The following DMRTC1B variants were observed in gnomAD, a reference collection of about 807,000 sequenced individuals.
DMRTC1B encodes DMRT like family C1B.
At chrX:72,815,548 A>C (rs1341504262) in intron 1 of DMRTC1B, among the ~76,000 whole-genome samples, 1 of 109,602 alleles carries the variant, frequency 9.1e-6, no homozygotes, top group African/African-American at 3.4e-5. Flanking sequence ...TGCTCAACTT[A>C]CCACACTCTA....
chrX:72,807,369 G>T, intron 1 of DMRTC1B: 1 of 364,313 alleles, frequency 2.7e-6, no homozygotes, highest in South Asian at 4.9e-5. Context: ...CACCAAAGCT[G>T]ACCACCCCCA....
intron 1 of DMRTC1B, among the ~76,000 whole-genome samples, chrX:72,817,864 C>G (rs1338300848): frequency 3.1e-4 from 4 of 13,098 alleles, no homozygotes; most frequent in African/African-American, 4.9e-4. Flanking sequence ...CTATAGTTTT[C>G]TGCGTGTGTG....
chrX:72,839,341 G>A (rs2054717531), intron 1 of DMRTC1B, among the ~76,000 whole-genome samples: 1 of 111,059 alleles, frequency 9.0e-6, no homozygotes, highest in African/African-American at 3.3e-5. Context: ...ATGGCACTGC[G>A]GTTTCATAGG....
intron 1 of DMRTC1B, among the ~76,000 whole-genome samples, chrX:72,820,439 C>T (rs2054688876): frequency 9.8e-6 from 1 of 101,641 alleles, no homozygotes; most frequent in Non-Finnish European, 2.0e-5. Flanking sequence ...CTTTTCTCTT[C>T]GATTTGCTTA....
chrX:72,804,476 C>G (rs1386857819), intron 1 of DMRTC1B, among the ~76,000 whole-genome samples: 1 of 51,772 alleles, frequency 1.9e-5, no homozygotes, highest in African/African-American at 3.7e-5. Flanking sequence ...TAGTTGGTGA[C>G]AGTGGCTCTT....
At chrX:72,802,199 G>A (rs782527511) in intron 1 of DMRTC1B, among the ~76,000 whole-genome samples, 1 of 9,873 alleles carries the variant, frequency 1.0e-4, no homozygotes, top group South Asian at 3.6e-3. Context: ...TGCAAGTGTC[G>A]GAAAGGTGGG....
chrX:72,820,515 CTTTT>C (rs375115289), intron 1 of DMRTC1B, among the ~76,000 whole-genome samples: 24 of 95,938 alleles, frequency 2.5e-4, no homozygotes, highest in African/African-American at 8.8e-4. Context: ...CGAGATATTT[CTTTT>C]TTTTTTTTTT....
rs2054751298 is a variant in DMRTC1B, at chrX:72,848,307, C to T, written c.511C>T (p.Arg171Cys). 1 of 63,238 alleles carries T rather than the reference C, an allele frequency of 1.6e-5. No individual in the cohort carries two copies. The highest frequency in any genetic ancestry group is 3.9e-5 in the East Asian group (1 of 25,343). 5.2% of individuals were successfully genotyped at this position (63,238 alleles called of 1,213,427 possible). The change falls in exon 7 of 7, where the codon CGC (arginine) becomes TGC (cysteine). Residue 171 changes from arginine (R) to cysteine (C), a missense_variant. Transcript: ENST00000334036. ...ATTCCAGCCTCCCAGCCCCTCTCTCCGCCCCAGGCCAGCCAGCTCCATCTC... is the reference window on the plus strand; with the variant it reads ...ATTCCAGCCTCCCAGCCCCTCTCTCTGCCCCAGGCCAGCCAGCTCCATCTC... ...KGFQPPSPSLRPRPASSISLP... is the reference protein window; with the variant it reads ...KGFQPPSPSLCPRPASSISLP...
At chrX:72,839,219 C>T (rs1439228815) in intron 1 of DMRTC1B, among the ~76,000 whole-genome samples, 2 of 112,436 alleles carry the variant, frequency 1.8e-5, no homozygotes, top group Non-Finnish European at 3.7e-5. Flanking sequence ...GTTGATCCCC[C>T]AAAACGTCTT....
intron 1 of DMRTC1B, among the ~76,000 whole-genome samples, chrX:72,804,626 A>G (rs1556346897): frequency 3.2e-5 from 2 of 63,070 alleles, no homozygotes; most frequent in African/African-American, 7.6e-5. Context: ...ATAATAAAAC[A>G]AAAACATGTG....
chrX:72,839,174 A>T (rs1266020662), intron 1 of DMRTC1B, among the ~76,000 whole-genome samples: 1 of 111,755 alleles, frequency 8.9e-6, no homozygotes, highest in Non-Finnish European at 1.9e-5. Context: ...AAGAGACATG[A>T]CAACTGTGTG....
At chrX:72,820,573 A>G (rs1603283027) in intron 1 of DMRTC1B, among the ~76,000 whole-genome samples, 2 of 92,465 alleles carry the variant, frequency 2.2e-5, no homozygotes, top group Non-Finnish European at 4.0e-5. Context: ...GCTGGAGTGC[A>G]GTGGCGCAAT....
chrX:72,840,181 GAAAAAGCAAAGCAAA>G (rs2054728053), intron 1 of DMRTC1B, among the ~76,000 whole-genome samples: 8 of 71,086 alleles, frequency 1.1e-4, no homozygotes, highest in Non-Finnish European at 2.6e-5. Flanking sequence ...AAAGCAAAGA[GAAAAAGCAAAGCAAA>G]GCAAAGCAAA....
In DMRTC1B at chrX:72,798,153, GTT is replaced by G. The variant is rs372347199; in HGVS notation, c.-95+20918_-95+20919del. Among the ~76,000 whole-genome samples the G allele has an allele frequency of 0.013, 61 of 4,773 alleles. 5 individuals carry two copies. The East Asian group carries it at 0.43, about 34-fold the overall frequency. The allele number at this position is 4,773 out of a possible 115,157, so 4.1% of individuals were successfully genotyped here. A position where few individuals can be genotyped will look rare whatever the true frequency, so the allele number is the denominator to read the frequency against. On this transcript the variant is annotated intron_variant, in intron 1 of 6. Coordinates refer to ENST00000334036, the MANE Select transcript of DMRTC1B (RefSeq NM_001386972.1). ...ATTTCTTTTCTTCTGCCAACTTTGG[GTT>G]TTTTTTTTTTTTGTTGTTGTTGTTC... is the stretch of plus-strand genomic sequence containing the variant.
chrX:72,820,936 G>C (rs1556348366), intron 1 of DMRTC1B, among the ~76,000 whole-genome samples: 1 of 6,652 alleles, frequency 1.5e-4, no homozygotes, highest in Admixed American at 1.4e-3. Flanking sequence ...TTTCTTCTCT[G>C]ACCCTTGATT....
intron 1 of DMRTC1B, among the ~76,000 whole-genome samples, chrX:72,802,687 T>C (rs1348484898): frequency 1.1e-5 from 1 of 90,201 alleles, no homozygotes; most frequent in Non-Finnish European, 2.3e-5. Flanking sequence ...ATGAGGAACA[T>C]GATGCAAGTC....
chrX:72,839,408 A>C (rs1277581859), intron 1 of DMRTC1B, among the ~76,000 whole-genome samples: 9 of 113,283 alleles, frequency 7.9e-5, no homozygotes, highest in Non-Finnish European at 1.5e-4. Flanking sequence ...AGTGTTTGGA[A>C]CTGCTACGTG....
chrX:72,792,549 C>T (rs1930487814), intron 1 of DMRTC1B, among the ~76,000 whole-genome samples: 1 of 115,005 alleles, frequency 8.7e-6, no homozygotes, highest in East Asian at 2.7e-4. Flanking sequence ...GAGCCAGTTC[C>T]GTTCAGGAAA....
chrX:72,820,619 C>T (rs1461327810), intron 1 of DMRTC1B, among the ~76,000 whole-genome samples: 4 of 92,347 alleles, frequency 4.3e-5, no homozygotes, highest in Non-Finnish European at 8.4e-5. Flanking sequence ...CTGGGGTTCA[C>T]GCCATTCTCC....
Sources: allele counts gnomAD v4.1 joint callset (sites outside exome capture counted in the v4.1 genomes callset), GRCh38; gene constraint gnomAD v4.1.1; transcripts MANE v1.5; gene names NCBI Gene and HGNC (gene_info 2026-07-23, HGNC 2026-07-21).